HELZ: variants seen among roughly 807,000 people sequenced by gnomAD.
HELZ encodes the protein ATP-dependent RNA helicase with zinc finger domain.
In HELZ, 23 loss-of-function variants were observed where a neutral mutation model predicts 218.2. That is an observed-to-expected ratio of 0.11 (90% CI 0.08 to 0.15). The LOEUF (loss-of-function observed/expected upper bound fraction) is 0.15. Ranked by LOEUF, HELZ falls within the 10% of genes least tolerant of loss-of-function variation. The probability of loss-of-function intolerance (pLI) is 1.00; values close to 1 mark genes in which losing one functional copy is unlikely to be tolerated. For synonymous variants in HELZ, 814 were observed against 829.4 expected (o/e 0.98, Z 0.32); for missense variants, 1,813 against 2,353.7 (o/e 0.77, Z 4.75).
rs541983601 is a variant in HELZ at position 67,141,238 on chromosome 17, C to T, written c.2770-3124G>A. On this transcript the variant is annotated intron_variant, in intron 21 of 32. Coordinates refer to ENST00000358691, the MANE Select transcript of HELZ (RefSeq NM_014877.4). The stretch of plus-strand genomic sequence containing the variant: ...TGGTTTAAAAAGCAACTGCAAAAAC[C>T]CATATGTATATAATTGTATTGTTAG... Among the ~76,000 whole-genome samples the T allele has an allele frequency of 2.0e-5, 3 of 152,112 alleles. No homozygotes were observed. In the South Asian group the frequency reaches 6.2e-4, roughly 32 times the overall value.
At chr17:67,154,546 T>C (rs2038782549) in intron 17 of HELZ, among the ~76,000 whole-genome samples, 1 of 152,200 alleles carries the variant, frequency 6.6e-6, no homozygotes, top group Non-Finnish European at 1.5e-5. Context: ...GGAATTCTAT[T>C]ATAGTAATAA....
At chr17:67,131,714 G>A (rs571227185) in intron 23 of HELZ, among the ~76,000 whole-genome samples, 8 of 152,172 alleles carry the variant, frequency 5.3e-5, no homozygotes, top group South Asian at 4.1e-4. Flanking sequence ...AAAGTGGGGC[G>A]CCAGCACTAC....
intron 3 of HELZ, among the ~76,000 whole-genome samples, chr17:67,228,598 G>A (rs1227027180): frequency 6.6e-6 from 1 of 151,486 alleles, no homozygotes; most frequent in East Asian, 1.9e-4. Context: ...GGAGGCAGAG[G>A]TTGCAGTGAG....
In HELZ at chr17:67,188,465, T is replaced by G. The variant is rs760937765; in HGVS notation, c.1016A>C (p.Gln339Pro). ...ATACACGTAATGATCTAATCCATTT[T>G]GGGCCATCTTTCCTCCTATCCATTC... ...CQEWIGGKMA[Q>P]NGLDHYVYKV... The change falls in exon 12 of 33, where the codon CAA (glutamine) becomes CCA (proline). Residue 339 changes from glutamine to proline, a missense_variant. Gln to Pro is a moderately conservative substitution (Grantham distance 76, BLOSUM62 -1). Coordinates refer to ENST00000358691, the MANE Select transcript of HELZ (RefSeq NM_014877.4). The surrounding 1 kb of genome is among the most constrained non-coding windows in gnomAD (Gnocchi z 4.1). 4.3e-6 allele frequency: 7 copies of G among 1,614,042 alleles called. No individual in the cohort carries two copies. In the South Asian group the frequency reaches 7.7e-5, roughly 18 times the overall value.
intron 31 of HELZ, among the ~76,000 whole-genome samples, chr17:67,102,889 CACAA>C (rs761374049): frequency 8.5e-5 from 13 of 152,250 alleles, no homozygotes; most frequent in South Asian, 2.1e-4. Context: ...CTTATTCACA[CACAA>C]ACAAAGATAA....
At chr17:67,093,249 G>A (rs1054282138) in intron 31 of HELZ, among the ~76,000 whole-genome samples, 2 of 152,056 alleles carry the variant, frequency 1.3e-5, no homozygotes, top group African/African-American at 4.8e-5. Flanking sequence ...TAAAACCTGA[G>A]GGCTCAAATA....
intron 22 of HELZ, among the ~76,000 whole-genome samples, chr17:67,137,337 T>C (rs917376825): frequency 6.6e-6 from 1 of 152,214 alleles, no homozygotes; most frequent in African/African-American, 2.4e-5. Flanking sequence ...CTTTCTAAAA[T>C]GCTCACCTAA....
intron 20 of HELZ, 121 bp from the exon 21 acceptor site, chr17:67,146,011 T>C (rs1429191121): frequency 2.5e-5 from 21 of 828,798 alleles, no homozygotes; most frequent in Non-Finnish European, 3.8e-5. Context: ...TTAATTTTAC[T>C]CCAATCATCT....
intron 31 of HELZ, among the ~76,000 whole-genome samples, chr17:67,089,662 T>TATATATATATAC: frequency 2.3e-5 from 1 of 44,066 alleles, no homozygotes; most frequent in Non-Finnish European, 4.1e-5. Flanking sequence ...TATATATATA[T>TATATATATATAC]ATATATAGAG....
At chr17:67,149,841 A>G in intron 19 of HELZ, 26 bp downstream of exon 19, 1 of 1,309,002 alleles carries the variant, frequency 7.6e-7, no homozygotes, top group Non-Finnish European at 1.1e-6. Context: ...AGTTACTTTC[A>G]ACACAGCAAC....
chr17:67,110,351 G>A (rs1392238413), intron 28 of HELZ, among the ~76,000 whole-genome samples: 2 of 152,074 alleles, frequency 1.3e-5, no homozygotes, highest in Non-Finnish European at 2.9e-5. Context: ...TTACAGGTGT[G>A]AGCCATCACA....
intron 17 of HELZ, among the ~76,000 whole-genome samples, chr17:67,155,843 G>GA (rs984939821): frequency 1.4e-3 from 133 of 96,604 alleles, no homozygotes; most frequent in East Asian, 2.1e-3. Flanking sequence ...TCTTAAAAAA[G>GA]AAAAAAAAAA....
rs903082223 is a variant in HELZ at position 67,197,620 on chromosome 17, C to T, written c.430-2150G>A. On this transcript the variant is annotated intron_variant, in intron 7 of 32. Transcript: ENST00000358691. ...TCCAGAGCCTTGAACAGCACAGGTG[C>T]TCAGTAAATGTTAAACTGAATCAGA... Among the ~76,000 whole-genome samples the T allele has an allele frequency of 5.9e-5, 9 of 152,184 alleles. 1 individual carries two copies. The highest frequency in any genetic ancestry group is 5.9e-4 in the Admixed American group (9 of 15,282).
chr17:67,162,376 T>C (rs956215334), intron 15 of HELZ, among the ~76,000 whole-genome samples: 3 of 152,212 alleles, frequency 2.0e-5, no homozygotes, highest in Non-Finnish European at 2.9e-5. Context: ...TTTCTGAAAT[T>C]TGCCATTTGC....
intron 5 of HELZ, among the ~76,000 whole-genome samples, chr17:67,207,617 A>T (rs1401643620): frequency 1.3e-5 from 2 of 152,142 alleles, no homozygotes; most frequent in Non-Finnish European, 2.9e-5. Context: ...TTTCCTAAAA[A>T]TTTTTTTCAT....
rs1354381244 is a variant in HELZ, at chr17:67,166,561, G to A, written c.1812C>T (p.His604=). 6.2e-7 allele frequency: 1 copy of A among 1,612,652 alleles called. No individual in the cohort carries two copies. The stretch of plus-strand genomic sequence containing the variant: ...TGTCCTTGATCCTGTCTAGTGCATA[G>A]TGCATTTCACAGAGGGGTAATCGAT... ...QLNRLPLCEM[H]YALDRIKDNG... Residue 604 remains histidine (H), a synonymous_variant, in exon 15 of 33, where the codon CAC becomes CAT. Transcript: ENST00000358691.
At chr17:67,245,221 C>G, upstream of HELZ, 2 of 985,764 alleles carry the variant, frequency 2.0e-6, no homozygotes, top group Non-Finnish European at 2.4e-6. Context: ...AAGAAAGAGC[C>G]TTTAAAGTGA....
At position 67,166,475 on chromosome 17, in the gene HELZ, T is replaced by C; in HGVS notation, c.1895+3A>G. ...CCTTTAATAAGATATCGCCTTTTTG[T>C]ACCTGTTAGGACTCCATGGTATGGT... On this transcript the variant is annotated splice_donor_region_variant and intron_variant, in intron 15 of 32. Transcript: ENST00000358691. 1.2e-6 allele frequency: 2 copies of C among 1,608,350 alleles called. No individual in the cohort carries two copies. Among genetic ancestry groups the C allele is most frequent in the Non-Finnish European group, 1.7e-6 (2 of 1,176,472 alleles).
intron 21 of HELZ, among the ~76,000 whole-genome samples, chr17:67,139,409 G>A (rs1336047018): frequency 6.6e-6 from 1 of 152,144 alleles, no homozygotes; most frequent in Non-Finnish European, 1.5e-5. Context: ...GGTTAGATGT[G>A]GGGATAGATG....
Sources: allele counts gnomAD v4.1 joint callset (sites outside exome capture counted in the v4.1 genomes callset), GRCh38; gene constraint gnomAD v4.1.1; non-coding constraint Gnocchi (gnomAD v3.1); transcripts MANE v1.5; gene names NCBI Gene and HGNC (gene_info 2026-07-23, HGNC 2026-07-21).